Variants in BNC2 observed in about 807,000 individuals in gnomAD.
BNC2 encodes the protein zinc finger protein basonuclin-2.
A neutral mutation model predicts 76.3 loss-of-function variants in BNC2; 20 were observed. The observed-to-expected ratio is 0.26, with a 90% CI of 0.18 to 0.38. The LOEUF (loss-of-function observed/expected upper bound fraction) is 0.38. Among genes scored for constraint, BNC2 ranks in the 10% least tolerant of loss-of-function variants. BNC2 has a pLI of 1.00. For missense variants in BNC2, 1,382 were observed against 1,399.8 expected (o/e 0.99, Z 0.20); for synonymous variants, 582 against 514.8 (o/e 1.13, Z -1.77).
intron 1 of BNC2, among the ~76,000 whole-genome samples, chr9:16,750,718 C>A (rs78544557): frequency 0.016 from 2,380 of 152,356 alleles, 63 homozygotes; most frequent in East Asian, 0.085. Context: ...GTTTTCAACT[C>A]TTTGTTAATG....
intron 3 of BNC2, among the ~76,000 whole-genome samples, chr9:16,646,079 G>A (rs1342609182): frequency 6.6e-6 from 1 of 152,192 alleles, no homozygotes; most frequent in Non-Finnish European, 1.5e-5. Context: ...CTTCCAGTTA[G>A]CAAAACAGTT....
chr9:16,657,390 TA>T (rs1055708709), intron 3 of BNC2, among the ~76,000 whole-genome samples: 2 of 151,868 alleles, frequency 1.3e-5, no homozygotes, highest in Non-Finnish European at 2.9e-5. Flanking sequence ...GAGAAATAAG[TA>T]AAAAAAACAG....
chr9:16,418,844 G>A lies in BNC2; in HGVS notation c.*145C>T. The A allele has an allele frequency of 2.3e-6, 2 of 880,278 alleles. No homozygotes were observed. The highest frequency in any genetic ancestry group is 3.1e-5 in the South Asian group (2 of 64,932). The allele number at this position is 880,278 out of a possible 1,614,324, so 54.5% of individuals were successfully genotyped here. A position where few individuals can be genotyped will look rare whatever the true frequency, so the allele number is the denominator to read the frequency against. On this transcript the variant is annotated 3_prime_UTR_variant, in exon 7 of 7. Coordinates refer to ENST00000380672, the MANE Select transcript of BNC2 (RefSeq NM_017637.6). ...GTTTATCTCAAGGAAATACGTGTGT[G>A]TATATGTAGCCACAGAGCATACATA...
rs374759345 is a variant in BNC2, at chr9:16,738,366, T to A, written c.123A>T (p.Gln41His). The change falls in exon 2 of 7, where the codon CAA becomes CAT. Residue 41 changes from glutamine to histidine, a missense_variant. Around this residue, in one of 3 missense-constraint regions of BNC2, gnomAD observed 557 missense variants for 540.9 expected, o/e 1.03. Transcript: ENST00000380672. ...AAAAAAAAAACCAACATACCTCAAT[T>A]TGAGATGTATCAACCCCACAACATG... is the stretch of plus-strand genomic sequence containing the variant. ...KVPCCGVDTSQIESEEAEVDV... is the reference protein window; with the variant it reads ...KVPCCGVDTSHIESEEAEVDV... 53 of 1,613,814 alleles carry A rather than the reference T, an allele frequency of 3.3e-5. No homozygotes were observed. Among genetic ancestry groups the A allele is most frequent in the East Asian group, 1.3e-4 (6 of 44,870 alleles).
chr9:16,728,544 T>C (rs1343094979), intron 2 of BNC2, among the ~76,000 whole-genome samples: 1 of 152,200 alleles, frequency 6.6e-6, no homozygotes, highest in South Asian at 2.1e-4. Flanking sequence ...ACTTAAATTT[T>C]TTTTTAATTA....
intron 5 of BNC2, among the ~76,000 whole-genome samples, chr9:16,469,897 G>A (rs1587065670): frequency 6.6e-6 from 1 of 151,964 alleles, no homozygotes; most frequent in Non-Finnish European, 1.5e-5. Context: ...GAGATCTGTG[G>A]AACTTTGAAC....
At chr9:16,706,756 A>G (rs1370524795) in intron 3 of BNC2, among the ~76,000 whole-genome samples, 2 of 152,200 alleles carry the variant, frequency 1.3e-5, no homozygotes, top group Non-Finnish European at 2.9e-5. Context: ...ATGAGAGGAC[A>G]GCAATTAATT....
chr9:16,492,948 G>A (rs1252653373), intron 5 of BNC2, among the ~76,000 whole-genome samples: 1 of 152,034 alleles, frequency 6.6e-6, no homozygotes, highest in Non-Finnish European at 1.5e-5. Context: ...GTGATCATTA[G>A]TATAAATAAC....
At chr9:16,557,801 G>C (rs1818883124) in intron 4 of BNC2, among the ~76,000 whole-genome samples, 2 of 151,372 alleles carry the variant, frequency 1.3e-5, no homozygotes, top group African/African-American at 4.8e-5. Context: ...TTCCTTTTGG[G>C]AACTTGTCCC....
At chr9:16,628,674 C>CA (rs1322551366) in intron 3 of BNC2, among the ~76,000 whole-genome samples, 2 of 152,020 alleles carry the variant, frequency 1.3e-5, no homozygotes, top group African/African-American at 2.4e-5. Flanking sequence ...TGAGCTACTG[C>CA]AAAAAAGTTC....
intron 3 of BNC2, among the ~76,000 whole-genome samples, chr9:16,707,828 G>C (rs1454081904): frequency 6.6e-6 from 1 of 152,124 alleles, no homozygotes; most frequent in Non-Finnish European, 1.5e-5. Flanking sequence ...TTTTAGGAGA[G>C]ACACGGTTTC....
At chr9:16,630,749 C>CTTTTTT (rs755684997) in intron 3 of BNC2, among the ~76,000 whole-genome samples, 3 of 140,194 alleles carry the variant, frequency 2.1e-5, no homozygotes, top group Admixed American at 7.0e-5. Flanking sequence ...TGGAGCGTTT[C>CTTTTTT]TTTTTTTGAA....
chr9:16,517,570 C>G (rs1262007927), intron 5 of BNC2, among the ~76,000 whole-genome samples: 1 of 152,132 alleles, frequency 6.6e-6, no homozygotes, highest in Non-Finnish European at 1.5e-5. Context: ...ATTGCAAACA[C>G]ACACACACGT....
intron 3 of BNC2, among the ~76,000 whole-genome samples, chr9:16,650,738 A>C (rs1008904762): frequency 6.6e-6 from 1 of 152,146 alleles, no homozygotes; most frequent in Non-Finnish European, 1.5e-5. Context: ...TATCTTATAG[A>C]AGCTTCTAGC....
intron 5 of BNC2, among the ~76,000 whole-genome samples, chr9:16,472,548 C>A (rs912635640): frequency 3.3e-5 from 5 of 152,184 alleles, no homozygotes; most frequent in Non-Finnish European, 7.3e-5. Context: ...CTTCCAACTC[C>A]TTCCAGACTG....
chr9:16,458,256 G>T (rs11999885), intron 5 of BNC2, among the ~76,000 whole-genome samples: 7,000 of 152,198 alleles, frequency 0.046, 510 homozygotes, highest in African/African-American at 0.16. Context: ...GCCATCAAAT[G>T]AGTATTTAAT....
intron 3 of BNC2, among the ~76,000 whole-genome samples, chr9:16,634,624 T>A (rs7031897): frequency 6.6e-6 from 1 of 151,820 alleles, no homozygotes; most frequent in Non-Finnish European, 1.5e-5. Flanking sequence ...GCCTCAGCCT[T>A]CCGAGTAGCT....
At chr9:16,487,115 G>C (rs1483531483) in intron 5 of BNC2, among the ~76,000 whole-genome samples, 1 of 152,212 alleles carries the variant, frequency 6.6e-6, no homozygotes, top group Non-Finnish European at 1.5e-5. Context: ...TGTAACTCAA[G>C]TTACCTGTTT....
intron 3 of BNC2, among the ~76,000 whole-genome samples, chr9:16,647,878 A>G (rs1328995818): frequency 6.6e-6 from 1 of 152,202 alleles, no homozygotes; most frequent in African/African-American, 2.4e-5. Context: ...TTCCACTGCC[A>G]TGAACTATAT....
Sources: allele counts gnomAD v4.1 joint callset (sites outside exome capture counted in the v4.1 genomes callset), GRCh38; gene constraint gnomAD v4.1.1; regional missense constraint gnomAD v4.1.1; transcripts MANE v1.5; gene names NCBI Gene and HGNC (gene_info 2026-07-23, HGNC 2026-07-21).